EPN2: variants seen among roughly 807,000 people sequenced by gnomAD.
The protein encoded by EPN2 is epsin-2.
Under a neutral mutation model 61.7 loss-of-function variants are expected in EPN2, and 34 were observed. The observed-to-expected ratio is 0.55, with a 90% CI of 0.42 to 0.73. The LOEUF is 0.73. Ranked by LOEUF, EPN2 falls within the 30% of genes least tolerant of loss-of-function variation. The pLI is 0.00. For missense variants in EPN2, 714 were observed against 839.2 expected, an observed-to-expected ratio of 0.85 and a Z score of 1.84; for synonymous variants, 349 against 353.6, an observed-to-expected ratio of 0.99 and a Z score of 0.15.
At chr17:19,261,010 A>G (rs1448376715) in intron 1 of EPN2, among the ~76,000 whole-genome samples, 1 of 152,122 alleles carries the variant, frequency 6.6e-6, no homozygotes, top group East Asian at 1.9e-4. Flanking sequence ...CTCACCCCTG[A>G]GGAAAGGCAC....
intron 1 of EPN2, among the ~76,000 whole-genome samples, chr17:19,262,002 A>G (rs776293175): frequency 1.3e-5 from 2 of 152,306 alleles, no homozygotes; most frequent in Non-Finnish European, 2.9e-5. Flanking sequence ...AGCCTGGCCA[A>G]CGTGGTGAAA....
In EPN2 at chr17:19,283,581, GGCCCAGGTT is replaced by G; in HGVS notation, c.466_474del (p.Gln156_Ala158del). The G allele has an allele frequency of 6.2e-7, 1 of 1,614,210 alleles. No homozygotes were observed. The highest frequency in any genetic ancestry group is 8.5e-7 in the Non-Finnish European group (1 of 1,180,046). On this transcript the variant is annotated inframe_deletion, in exon 3 of 11. Transcript: ENST00000314728. This position sits in a 1 kb window ranked among gnomAD's most constrained non-coding sequence, Gnocchi z 7.0. ...AGGCTCTCAAAACCAAAGAGCGCAT[GGCCCAGGTT>G]GCCACTGGCATGGGCAGCAACCAGA... is the stretch of plus-strand genomic sequence containing the variant.
intron 7 of EPN2, among the ~76,000 whole-genome samples, chr17:19,319,512 T>C (rs1598020221): frequency 6.6e-6 from 1 of 152,044 alleles, no homozygotes; most frequent in East Asian, 2.0e-4. Context: ...TTTGTATTTT[T>C]AGTAGAGACG....
intron 1 of EPN2, among the ~76,000 whole-genome samples, chr17:19,263,604 C>G (rs1261524907): frequency 6.6e-6 from 1 of 152,232 alleles, no homozygotes; most frequent in Non-Finnish European, 1.5e-5. Flanking sequence ...CATCCCAGTT[C>G]TGTGATTTGC....
chr17:19,290,930 T>A (rs1053163719), intron 4 of EPN2, among the ~76,000 whole-genome samples: 1 of 152,106 alleles, frequency 6.6e-6, no homozygotes, highest in Admixed American at 6.6e-5. Flanking sequence ...GTAGTATGCT[T>A]CAAGTCTGCT....
intron 4 of EPN2, chr17:19,308,038 G>A: frequency 1.0e-6 from 1 of 983,812 alleles, no homozygotes; most frequent in African/African-American, 1.7e-5. Flanking sequence ...TAAAATAGAT[G>A]TAATGAAAGA....
intron 1 of EPN2, among the ~76,000 whole-genome samples, chr17:19,263,500 G>C (rs2045165729): frequency 6.6e-6 from 1 of 152,220 alleles, no homozygotes; most frequent in African/African-American, 2.4e-5. Context: ...TATTGGAACA[G>C]AGAAGGGCAA....
intron 7 of EPN2, among the ~76,000 whole-genome samples, chr17:19,322,623 C>T (rs1365313249): frequency 6.6e-6 from 1 of 151,870 alleles, no homozygotes; most frequent in Admixed American, 6.6e-5. Context: ...GCCTGTGGTC[C>T]CAGCTACTTG....
intron 1 of EPN2, among the ~76,000 whole-genome samples, chr17:19,274,863 GA>G (rs1429811715): frequency 2.8e-5 from 3 of 108,686 alleles, no homozygotes; most frequent in African/African-American, 2.4e-4. Flanking sequence ...CCTAGCCTTG[GA>G]AATTTTTTTT....
At chr17:19,275,617 G>A (rs1276144190) in intron 1 of EPN2, among the ~76,000 whole-genome samples, 1 of 152,206 alleles carries the variant, frequency 6.6e-6, no homozygotes, top group Non-Finnish European at 1.5e-5. Flanking sequence ...TGTAGCTGCT[G>A]GGCGGGGGAA....
intron 7 of EPN2, among the ~76,000 whole-genome samples, chr17:19,322,733 C>A (rs1311121362): frequency 6.8e-6 from 1 of 147,398 alleles, no homozygotes. Flanking sequence ...GAGCAAGAAC[C>A]TGTCTCTAAA....
chr17:19,240,278 C>CGCTGTCA lies in EPN2; in HGVS notation c.-294+2748_-294+2754dup, dbSNP rs1567838993. On this transcript the variant is annotated intron_variant, in intron 1 of 10. Transcript: ENST00000314728. Reference sequence around the variant, plus strand: ...TTTTTTTTTTTGAGATGGCGTCTCACGCTGTCACCCAGGCTGGAGTGCAGT... The same window carrying CGCTGTCA: ...TTTTTTTTTTTGAGATGGCGTCTCACGCTGTCAGCTGTCACCCAGGCTGGAGTGCAGT... 7.2e-5 allele frequency among the ~76,000 whole-genome samples: 11 copies of CGCTGTCA among 151,904 alleles called. No homozygotes were observed. In the South Asian group the frequency reaches 2.1e-3, roughly 29 times the overall value.
intron 4 of EPN2, chr17:19,306,012 C>T (rs527952072): frequency 1.3e-5 from 2 of 152,198 alleles, no homozygotes; most frequent in Non-Finnish European, 2.9e-5. Flanking sequence ...TGCAAAAGGC[C>T]GCCTTCCTGG....
rs1372083540 is a variant in EPN2, at chr17:19,245,485, TCACTGCAGCGGCGGGATCTCAGC to T, written c.-294+7955_-294+7977del. The stretch of plus-strand genomic sequence containing the variant: ...TGGAGTGCAGTGGCGGGATCTCAGC[TCACTGCAGCGGCGGGATCTCAGC>T]TCACTGCAGCCTCTGCCTCCCAGGT... On this transcript the variant is annotated intron_variant, in intron 1 of 10. Coordinates refer to ENST00000314728, the MANE Select transcript of EPN2 (RefSeq NM_014964.5). 6.1e-3 allele frequency among the ~76,000 whole-genome samples: 858 copies of T among 140,866 alleles called. 11 individuals are homozygous for T. The highest frequency in any genetic ancestry group is 0.024 in the African/African-American group (809 of 33,786). 92.4% of individuals were successfully genotyped at this position (140,866 alleles called of 152,430 possible).
intron 3 of EPN2, among the ~76,000 whole-genome samples, chr17:19,284,247 T>C (rs768579211): frequency 7.2e-5 from 11 of 152,214 alleles, no homozygotes; most frequent in Non-Finnish European, 1.6e-4. Flanking sequence ...CTGCCAAACA[T>C]GCAAATGAGA....
chr17:19,258,225 G>C (rs1207847719), intron 1 of EPN2, among the ~76,000 whole-genome samples: 9 of 152,136 alleles, frequency 5.9e-5, no homozygotes, highest in Non-Finnish European at 4.4e-5. Flanking sequence ...TTCAGTGCTG[G>C]ACAATGGGAC....
At chr17:19,255,456 ATTTATTTATTTATTTATTTATTTATTTT>A (rs1031530560) in intron 1 of EPN2, among the ~76,000 whole-genome samples, 1 of 138,948 alleles carries the variant, frequency 7.2e-6, no homozygotes, top group African/African-American at 2.7e-5. Flanking sequence ...TTATTTATTT[ATTTATTTATTTATTTATTTATTTATTTT>A]CTTGTGTTCT....
At chr17:19,287,154 C>G (rs943081773) in intron 4 of EPN2, among the ~76,000 whole-genome samples, 12 of 151,996 alleles carry the variant, frequency 7.9e-5, no homozygotes, top group African/African-American at 2.9e-4. Context: ...TGGCCATCTT[C>G]CCCCACTGCG....
intron 4 of EPN2, among the ~76,000 whole-genome samples, chr17:19,290,193 C>A (rs115421379): frequency 6.6e-6 from 1 of 152,138 alleles, no homozygotes; most frequent in Non-Finnish European, 1.5e-5. Flanking sequence ...CAAAGGAGGA[C>A]CCTCAGGCCC....
Sources: allele counts gnomAD v4.1 joint callset (sites outside exome capture counted in the v4.1 genomes callset), GRCh38; gene constraint gnomAD v4.1.1; non-coding constraint Gnocchi (gnomAD v3.1); transcripts MANE v1.5; gene names NCBI Gene and HGNC (gene_info 2026-07-23, HGNC 2026-07-21).